The following PTPRB variants were observed in gnomAD, a reference collection of about 807,000 sequenced individuals.
PTPRB encodes protein tyrosine phosphatase receptor type B, also known as receptor-type tyrosine-protein phosphatase beta.
In PTPRB, 97 loss-of-function variants were observed where a neutral mutation model predicts 238.1. That is an observed-to-expected ratio of 0.41 (90% CI 0.35 to 0.48). The LOEUF is 0.48. Among genes scored for constraint, PTPRB ranks in the 20% least tolerant of loss-of-function variants. The probability of loss-of-function intolerance (pLI) is 0.30; values close to 1 mark genes in which losing one functional copy is unlikely to be tolerated. For missense variants in PTPRB, 2,292 were observed against 2,681.9 expected (o/e 0.85, Z 3.21); for synonymous variants, 970 against 995.4 (o/e 0.97, Z 0.48).
At position 70,569,806 on chromosome 12, in the gene PTPRB, T is replaced by A. The variant is rs775033319; in HGVS notation, c.3503A>T (p.Asp1168Val). The change falls in exon 14 of 34, where the codon GAC (aspartate) becomes GTC (valine). Residue 1168 changes from aspartate to valine, a missense_variant. Asp to Val is a radical substitution (Grantham distance 152, BLOSUM62 -3). Coordinates refer to ENST00000334414, the MANE Select transcript of PTPRB (RefSeq NM_001109754.4). Reference protein sequence around the residue: ...VSAFRHSQKVDSQTIPKHVFE... With the variant: ...VSAFRHSQKVVSQTIPKHVFE... ...GACGTGCTTGGGAATAGTCTGAGAG[T>A]CAACCTTTTGACTGTGCCTGAATGC... 1.9e-6 allele frequency: 3 copies of A among 1,613,600 alleles called. No individual in the cohort carries two copies. Among genetic ancestry groups the A allele is most frequent in the Non-Finnish European group, 2.5e-6 (3 of 1,179,808 alleles).
At chr12:70,576,340 G>A (rs757193199) in intron 11 of PTPRB, 42 bp downstream of exon 11, 1 of 1,593,042 alleles carries the variant, frequency 6.3e-7, no homozygotes, top group Non-Finnish European at 8.6e-7. Flanking sequence ...AGCCACATGT[G>A]AATTGGTTCT....
chr12:70,551,957 A>G (rs1362963709), intron 21 of PTPRB, among the ~76,000 whole-genome samples: 1 of 152,142 alleles, frequency 6.6e-6, no homozygotes, highest in Non-Finnish European at 1.5e-5. Context: ...TCCATGGGGA[A>G]AAAAGGGTGT....
At chr12:70,569,619 T>C in intron 14 of PTPRB, 56 bp downstream of exon 14, 3 of 1,598,330 alleles carry the variant, frequency 1.9e-6, no homozygotes, top group Non-Finnish European at 2.6e-6. Flanking sequence ...CACTGTCCCA[T>C]TTTGGAGAAC....
intron 3 of PTPRB, among the ~76,000 whole-genome samples, chr12:70,615,408 G>A (rs1305003733): frequency 1.3e-5 from 2 of 152,112 alleles, no homozygotes; most frequent in Non-Finnish European, 2.9e-5. Context: ...TCTAACAGCA[G>A]GCTCCACTGT....
At chr12:70,544,417 C>T in intron 22 of PTPRB, 140 bp downstream of exon 22, 1 of 625,094 alleles carries the variant, frequency 1.6e-6, no homozygotes, top group South Asian at 2.0e-5. Context: ...CCCTTTGATC[C>T]ACATCAATTT....
At chr12:70,568,490 G>A (rs1879602950) in intron 14 of PTPRB, among the ~76,000 whole-genome samples, 2 of 152,028 alleles carry the variant, frequency 1.3e-5, no homozygotes, top group Non-Finnish European at 2.9e-5. Flanking sequence ...GTAGAGACGG[G>A]GTTTCACCAT....
chr12:70,587,500 A>G (rs1315302190), intron 8 of PTPRB, among the ~76,000 whole-genome samples: 1 of 152,216 alleles, frequency 6.6e-6, no homozygotes, highest in African/African-American at 2.4e-5. Context: ...TTGATTTTTG[A>G]CTGTATAATA....
At position 70,592,354 on chromosome 12, in the gene PTPRB, G is replaced by T; in HGVS notation, c.1708C>A (p.Arg570=). The T allele has an allele frequency of 6.2e-7, 1 of 1,613,962 alleles. No homozygotes were observed. The highest frequency in any genetic ancestry group is 1.1e-5 in the South Asian group (1 of 91,068). Residue 570 remains arginine, a synonymous_variant, in exon 7 of 34, where the codon CGA becomes AGA. Transcript: ENST00000334414. ...CAGCTGACAGTAACTTGATAAAGTCGACCGGGGACTAACTCTTTAAAGTGA... is the reference window on the plus strand; with the variant it reads ...CAGCTGACAGTAACTTGATAAAGTCTACCGGGGACTAACTCTTTAAAGTGA... The part of the protein sequence containing the change: ...ETHFKELVPG[R]LYQVTVSCVS...
At chr12:70,538,048 A>G in intron 28 of PTPRB, 107 bp downstream of exon 28, 1 of 872,964 alleles carries the variant, frequency 1.1e-6, no homozygotes, top group Non-Finnish European at 1.7e-6. Flanking sequence ...TGAAATCTAC[A>G]GGTGTTTCCA....
At chr12:70,629,314 A>G (rs573465171) in intron 2 of PTPRB, among the ~76,000 whole-genome samples, 6 of 152,308 alleles carry the variant, frequency 3.9e-5, no homozygotes, top group African/African-American at 9.6e-5. Context: ...GCACAACTAC[A>G]TGGTAACTAA....
intron 14 of PTPRB, among the ~76,000 whole-genome samples, chr12:70,567,518 GT>G (rs1565953489): frequency 6.6e-6 from 1 of 152,156 alleles, no homozygotes; most frequent in Non-Finnish European, 1.5e-5. Flanking sequence ...TCAAATACGA[GT>G]TTTATTTCTG....
chr12:70,522,188 G>A (rs1156578797), intron 33 of PTPRB, among the ~76,000 whole-genome samples: 3 of 152,154 alleles, frequency 2.0e-5, no homozygotes, highest in Non-Finnish European at 4.4e-5. Flanking sequence ...GACACTACCT[G>A]TTGAAGATCA....
Position 70,590,619 on chromosome 12 carries a change from A to T in PTPRB, c.1781-386T>A, listed in dbSNP as rs375013333. ...TTTTTTTTTTTTTTTTTGCTTAAAAACATTCAAGGTCTCTCTATAATCTGC... is the reference window on the plus strand; with the variant it reads ...TTTTTTTTTTTTTTTTTGCTTAAAATCATTCAAGGTCTCTCTATAATCTGC... On this transcript the variant is annotated intron_variant, in intron 7 of 33. Coordinates refer to ENST00000334414, the MANE Select transcript of PTPRB (RefSeq NM_001109754.4). Among the ~76,000 whole-genome samples, 282 of 148,122 alleles carry T rather than the reference A, an allele frequency of 1.9e-3. 3 individuals carry two copies. The highest frequency in any genetic ancestry group is 6.8e-3 in the African/African-American group (274 of 40,438).
chr12:70,595,980 T>A, intron 5 of PTPRB, 69 bp downstream of exon 5: 1 of 1,346,200 alleles, frequency 7.4e-7, no homozygotes, highest in Non-Finnish European at 9.9e-7. Flanking sequence ...CTTACTCCTA[T>A]TCCTTGAATA....
chr12:70,534,046 G>A (rs1410293856), intron 31 of PTPRB, among the ~76,000 whole-genome samples: 1 of 152,240 alleles, frequency 6.6e-6, no homozygotes. Flanking sequence ...GGACTTAGGT[G>A]GAGAAGAGAG....
In PTPRB at chr12:70,573,066, A is replaced by G. The variant is rs368816758; in HGVS notation, c.2843-979T>C. Among the ~76,000 whole-genome samples the G allele has an allele frequency of 8.5e-5, 13 of 152,290 alleles. No individual in the cohort carries two copies. The South Asian group carries it at 1.0e-3, about 12-fold the overall frequency. ...ATATAATAGTTATAATTAATTCCTTAACTCAAAACACAAAAATATGGATTT... is the reference window on the plus strand; with the variant it reads ...ATATAATAGTTATAATTAATTCCTTGACTCAAAACACAAAAATATGGATTT... On this transcript the variant is annotated intron_variant, in intron 11 of 33. Coordinates refer to ENST00000334414, the MANE Select transcript of PTPRB (RefSeq NM_001109754.4).
rs1435540576 is a variant in PTPRB at position 70,590,251 on chromosome 12, G to A, written c.1781-18C>T. The A allele has an allele frequency of 2.6e-6, 4 of 1,526,322 alleles. No individual in the cohort carries two copies. The highest frequency in any genetic ancestry group is 3.5e-6 in the Non-Finnish European group (4 of 1,137,394). The allele number at this position is 1,526,322 out of a possible 1,614,324, so 94.5% of individuals were successfully genotyped here. On this transcript the variant is annotated intron_variant, in intron 7 of 33. Coordinates refer to ENST00000334414, the MANE Select transcript of PTPRB (RefSeq NM_001109754.4). ...GTCTGGAACTAAACGGTGAAATGAT[G>A]TCAAAAAGGAGATATTACAGACCAA...
intron 22 of PTPRB, chr12:70,542,675 C>T (rs1875339194): frequency 2.0e-5 from 3 of 150,780 alleles, no homozygotes; most frequent in Admixed American, 2.0e-4. Context: ...ATCACAAGGT[C>T]AGGAGATCGA....
intron 11 of PTPRB, 65 bp from the exon 12 acceptor site, chr12:70,572,152 A>T: frequency 2.1e-6 from 3 of 1,398,776 alleles, no homozygotes; most frequent in Non-Finnish European, 2.9e-6. Context: ...ATCACAGATG[A>T]CAAGCTGGGA....
Sources: gnomAD v4.1 joint callset for allele counts (sites outside exome capture counted in the v4.1 genomes callset) on GRCh38, gnomAD v4.1.1 for gene constraint, MANE v1.5 for transcripts, NCBI Gene and HGNC (gene_info 2026-07-23, HGNC 2026-07-21) for gene names.